PGAP4: variants seen among roughly 807,000 people sequenced by gnomAD.
PGAP4 encodes the protein GPI-N-acetylgalactosamine transferase PGAP4.
In PGAP4, 12 loss-of-function variants were observed where a neutral mutation model predicts 28.2. The observed-to-expected ratio is 0.42, with a 90% CI of 0.27 to 0.69. PGAP4 has a LOEUF of 0.69. Among genes scored for constraint, PGAP4 ranks in the 30% least tolerant of loss-of-function variants. PGAP4 has a pLI of 0.22. For missense variants in PGAP4, 425 were observed against 513.5 expected, an observed-to-expected ratio of 0.83 and a Z score of 1.67; for synonymous variants, 205 against 211.8, an observed-to-expected ratio of 0.97 and a Z score of 0.28.
chr9:101,487,811 T>C (rs1384623596), upstream of PGAP4, among the ~76,000 whole-genome samples: 2 of 152,160 alleles, frequency 1.3e-5, no homozygotes, highest in African/African-American at 4.8e-5. Flanking sequence ...CTACGAAAAT[T>C]ATATGAATTC....
chr9:101,530,842 A>G (rs1827082305), intron 2 of PGAP4, among the ~76,000 whole-genome samples: 3 of 152,258 alleles, frequency 2.0e-5, no homozygotes, highest in African/African-American at 7.2e-5. Flanking sequence ...ACTGTGCCCA[A>G]ATAGTTGGTG....
chr9:101,491,082 C>A (rs547924789), upstream of PGAP4, among the ~76,000 whole-genome samples: 6 of 152,202 alleles, frequency 3.9e-5, no homozygotes, highest in East Asian at 1.2e-3. Context: ...CATGGTAAGA[C>A]CACTGAATTC....
intron 2 of PGAP4, among the ~76,000 whole-genome samples, chr9:101,495,590 A>G (rs1209364649): frequency 6.7e-6 from 1 of 148,798 alleles, no homozygotes; most frequent in Non-Finnish European, 1.5e-5. Flanking sequence ...AAAGGTTTAA[A>G]ACAGTTGTTT....
At chr9:101,528,999 T>C (rs748821174) in intron 2 of PGAP4, among the ~76,000 whole-genome samples, 1 of 152,028 alleles carries the variant, frequency 6.6e-6, no homozygotes, top group Non-Finnish European at 1.5e-5. Context: ...TCTGTGTCCA[T>C]GTGTTCTCAT....
At chr9:101,507,099 A>G (rs1826854584) in intron 2 of PGAP4, among the ~76,000 whole-genome samples, 2 of 152,122 alleles carry the variant, frequency 1.3e-5, no homozygotes, top group South Asian at 4.1e-4. Context: ...TCAATAATAT[A>G]CCTGGATAAT....
intron 1 of PGAP4, among the ~76,000 whole-genome samples, chr9:101,477,919 G>GT (rs1826372823): frequency 6.7e-6 from 1 of 148,256 alleles, no homozygotes; most frequent in Admixed American, 6.8e-5. Context: ...CAATGAGGGA[G>GT]CGGGGGGGGA....
chr9:101,502,899 A>C (rs1332729984), intron 2 of PGAP4, among the ~76,000 whole-genome samples: 1 of 152,052 alleles, frequency 6.6e-6, no homozygotes, highest in Non-Finnish European at 1.5e-5. Context: ...TTCATGGGGA[A>C]TGGAGGTGAG....
chr9:101,493,147 G>C (rs533866504), intron 2 of PGAP4, among the ~76,000 whole-genome samples: 1 of 151,742 alleles, frequency 6.6e-6, no homozygotes, highest in African/African-American at 2.4e-5. Flanking sequence ...CCAGCTACTC[G>C]GGAGGCTGAG....
At chr9:101,494,179 T>C (rs1826716065) in intron 2 of PGAP4, among the ~76,000 whole-genome samples, 1 of 151,984 alleles carries the variant, frequency 6.6e-6, no homozygotes, top group Non-Finnish European at 1.5e-5. Context: ...ATAGGCATTT[T>C]ATGTACATTT....
chr9:101,501,360 G>A (rs1284515152), intron 2 of PGAP4, among the ~76,000 whole-genome samples: 1 of 152,034 alleles, frequency 6.6e-6, no homozygotes, highest in Non-Finnish European at 1.5e-5. Flanking sequence ...TGAACAACAT[G>A]GTACCACGGA....
chr9:101,507,502 T>A (rs957728824), intron 2 of PGAP4, among the ~76,000 whole-genome samples: 2 of 152,118 alleles, frequency 1.3e-5, no homozygotes, highest in African/African-American at 4.8e-5. Flanking sequence ...ATTTTCCTAT[T>A]AACATTTATG....
chr9:101,525,888 T>A (rs1478374129), intron 2 of PGAP4, among the ~76,000 whole-genome samples: 2 of 152,146 alleles, frequency 1.3e-5, no homozygotes, highest in Non-Finnish European at 2.9e-5. Context: ...TTTATACAAA[T>A]TGATTCTAAA....
chr9:101,503,372 C>T (rs139796746), intron 2 of PGAP4, among the ~76,000 whole-genome samples: 8 of 151,910 alleles, frequency 5.3e-5, no homozygotes, highest in African/African-American at 1.7e-4. Context: ...GTTACTGTTA[C>T]TTTGTCTTAT....
chr9:101,520,143 G>A (rs989675154), intron 2 of PGAP4, among the ~76,000 whole-genome samples: 5 of 152,162 alleles, frequency 3.3e-5, no homozygotes, highest in African/African-American at 9.7e-5. Context: ...ATCAGGTAGT[G>A]TGATGCCTCC....
At chr9:101,491,768 T>C (rs944192168), upstream of PGAP4, among the ~76,000 whole-genome samples, 1 of 144,988 alleles carries the variant, frequency 6.9e-6, no homozygotes, top group Non-Finnish European at 1.5e-5. Flanking sequence ...ATATATTAAA[T>C]ATTAAAGGAT....
intron 2 of PGAP4, chr9:101,531,205 C>CAT (rs1238855047): frequency 1.3e-5 from 2 of 150,284 alleles, no homozygotes; most frequent in Non-Finnish European, 3.0e-5. Flanking sequence ...TACACACACA[C>CAT]ACACACACAC....
At chr9:101,482,175 C>T (rs771868993) in intron 1 of PGAP4, among the ~76,000 whole-genome samples, 6 of 152,232 alleles carry the variant, frequency 3.9e-5, no homozygotes, top group Non-Finnish European at 7.3e-5. Flanking sequence ...CAACCAGGCG[C>T]GGTGGCTCAC....
chr9:101,499,312 G>A (rs1335025638), intron 2 of PGAP4, among the ~76,000 whole-genome samples: 1 of 151,860 alleles, frequency 6.6e-6, no homozygotes, highest in Non-Finnish European at 1.5e-5. Flanking sequence ...ACTGCACACT[G>A]GTTCCAAAAG....
chr9:101,504,934 A>G (rs756067264), intron 2 of PGAP4, among the ~76,000 whole-genome samples: 1 of 152,064 alleles, frequency 6.6e-6, no homozygotes, highest in African/African-American at 2.4e-5. Context: ...AAAGACTCCT[A>G]TGTTAGGATA....
Sources: gnomAD v4.1 joint callset for allele counts (sites outside exome capture counted in the v4.1 genomes callset) on GRCh38, gnomAD v4.1.1 for gene constraint, MANE v1.5 for transcripts, NCBI Gene and HGNC (gene_info 2026-07-23, HGNC 2026-07-21) for gene names.